Variants in SPIDR observed in about 807,000 individuals in gnomAD.
SPIDR encodes the protein DNA repair-scaffolding protein.
A neutral mutation model predicts 104.6 loss-of-function variants in SPIDR; 93 were observed. The ratio of observed to expected loss-of-function variants is 0.89; its 90% CI spans 0.75 to 1.06. The LOEUF is 1.06. Among genes scored for constraint, SPIDR ranks in the 50% least tolerant of loss-of-function variants. The pLI, the probability that SPIDR is intolerant of heterozygous loss-of-function variation, is 0.00. For synonymous variants in SPIDR, 431 were observed against 416.9 expected, an observed-to-expected ratio of 1.03 and a Z score of -0.41; for missense variants, 1,154 against 1,111.2, an observed-to-expected ratio of 1.04 and a Z score of -0.55.
intron 10 of SPIDR, among the ~76,000 whole-genome samples, chr8:47,634,617 C>T (rs1175093264): frequency 3.9e-5 from 6 of 152,122 alleles, no homozygotes; most frequent in African/African-American, 9.7e-5. Context: ...GTTTTTTTAG[C>T]GTCATGCACT....
intron 8 of SPIDR, among the ~76,000 whole-genome samples, chr8:47,590,880 T>C: frequency 6.6e-6 from 1 of 152,246 alleles, no homozygotes; most frequent in African/African-American, 2.4e-5. Context: ...GATTGATCTT[T>C]GTGTCATTAT....
chr8:47,458,453 T>C (rs797024673), intron 8 of SPIDR, among the ~76,000 whole-genome samples: 5 of 151,938 alleles, frequency 3.3e-5, no homozygotes, highest in African/African-American at 1.2e-4. Context: ...ATTGATGCTG[T>C]GTAGCAGAGC....
chr8:47,489,141 A>C (rs1424009598), intron 8 of SPIDR, among the ~76,000 whole-genome samples: 1 of 152,266 alleles, frequency 6.6e-6, no homozygotes, highest in African/African-American at 2.4e-5. Flanking sequence ...GCTGATAAGC[A>C]ACTTCAGCAA....
At chr8:47,502,081 A>G (rs1405115926) in intron 8 of SPIDR, among the ~76,000 whole-genome samples, 4 of 152,120 alleles carry the variant, frequency 2.6e-5, no homozygotes, top group Non-Finnish European at 5.9e-5. Context: ...ATGTGCATCA[A>G]GGATATTGGT....
intron 5 of SPIDR, among the ~76,000 whole-genome samples, chr8:47,345,462 A>T (rs1276034057): frequency 6.6e-6 from 1 of 152,174 alleles, no homozygotes; most frequent in Non-Finnish European, 1.5e-5. Context: ...TTTCGGTTCC[A>T]TATGAACGCT....
At chr8:47,590,113 G>T (rs1008190580) in intron 8 of SPIDR, among the ~76,000 whole-genome samples, 2 of 151,514 alleles carry the variant, frequency 1.3e-5, no homozygotes, top group Non-Finnish European at 2.9e-5. Context: ...AGCGGAGATT[G>T]CAGTGAACCG....
intron 10 of SPIDR, among the ~76,000 whole-genome samples, chr8:47,652,207 G>A (rs1018339374): frequency 1.3e-5 from 2 of 152,292 alleles, no homozygotes; most frequent in South Asian, 4.2e-4. Flanking sequence ...GAAATGTGAG[G>A]CCCACACTTT....
intron 10 of SPIDR, among the ~76,000 whole-genome samples, chr8:47,655,189 A>G (rs371633951): frequency 2.6e-5 from 4 of 152,270 alleles, no homozygotes; most frequent in East Asian, 1.9e-4. Flanking sequence ...ATAAACATAC[A>G]TGTGCATGTG....
At chr8:47,474,038 A>G (rs1271210389) in intron 8 of SPIDR, among the ~76,000 whole-genome samples, 3 of 152,174 alleles carry the variant, frequency 2.0e-5, no homozygotes, top group Non-Finnish European at 4.4e-5. Flanking sequence ...ACGAGCAGGC[A>G]TGATTGCTGG....
chr8:47,735,095 GGTGTGT>G (rs146992468), intron 19 of SPIDR, among the ~76,000 whole-genome samples: 3 of 146,042 alleles, frequency 2.1e-5, no homozygotes, highest in Non-Finnish European at 3.0e-5. Context: ...TGGGTGTGTG[GGTGTGT>G]GTGTGTGTGG....
At chr8:47,323,120 AAAGT>A (rs1297828600) in intron 5 of SPIDR, among the ~76,000 whole-genome samples, 10 of 152,130 alleles carry the variant, frequency 6.6e-5, no homozygotes, top group African/African-American at 9.6e-5. Context: ...AAAAAAAAGA[AAAGT>A]AAGGTGGATT....
chr8:47,546,446 G>A (rs2089399466), intron 8 of SPIDR, among the ~76,000 whole-genome samples: 1 of 152,108 alleles, frequency 6.6e-6, no homozygotes. Flanking sequence ...ATGGTCTATA[G>A]TGATATTCCC....
At chr8:47,721,601 A>G (rs2083404132) in intron 16 of SPIDR, among the ~76,000 whole-genome samples, 1 of 151,698 alleles carries the variant, frequency 6.6e-6, no homozygotes, top group South Asian at 2.1e-4. Context: ...CCTCCCAAGT[A>G]GCTGGGACTA....
At chr8:47,587,134 G>T (rs1478672310) in intron 8 of SPIDR, among the ~76,000 whole-genome samples, 2 of 152,092 alleles carry the variant, frequency 1.3e-5, no homozygotes, top group Admixed American at 6.6e-5. Context: ...CCTAGTCCTA[G>T]ATCCTAAAGA....
intron 5 of SPIDR, among the ~76,000 whole-genome samples, chr8:47,350,357 A>G (rs549857553): frequency 1.4e-4 from 22 of 152,314 alleles, no homozygotes; most frequent in Non-Finnish European, 2.5e-4. Flanking sequence ...TCTGTCACCC[A>G]TGCTGAAGTA....
chr8:47,628,649 C>A (rs1302672402), intron 10 of SPIDR, among the ~76,000 whole-genome samples: 1 of 152,120 alleles, frequency 6.6e-6, no homozygotes, highest in Non-Finnish European at 1.5e-5. Flanking sequence ...TGGGTCCCAT[C>A]CCCAAGATAT....
At chr8:47,604,697 T>C (rs1432457589) in intron 10 of SPIDR, among the ~76,000 whole-genome samples, 2 of 152,172 alleles carry the variant, frequency 1.3e-5, no homozygotes, top group Non-Finnish European at 1.5e-5. Context: ...GCTTGAGTTA[T>C]TTAGTTGAAG....
chr8:47,298,709 G>A (rs1252074110), intron 5 of SPIDR, among the ~76,000 whole-genome samples: 7 of 152,172 alleles, frequency 4.6e-5, no homozygotes, highest in South Asian at 2.1e-4. Flanking sequence ...GTAAAATAGG[G>A]AATCCTTTCC....
chr8:47,492,541 G>A (rs1267070532), intron 8 of SPIDR, among the ~76,000 whole-genome samples: 1 of 152,168 alleles, frequency 6.6e-6, no homozygotes, highest in Non-Finnish European at 1.5e-5. Flanking sequence ...CCTCCAGAAT[G>A]ACTCTTTGGT....
Sources: gnomAD v4.1 joint callset for allele counts (sites outside exome capture counted in the v4.1 genomes callset) on GRCh38, gnomAD v4.1.1 for gene constraint, MANE v1.5 for transcripts, NCBI Gene and HGNC (gene_info 2026-07-23, HGNC 2026-07-21) for gene names.